Variants in PAX5 observed in about 807,000 individuals in gnomAD.
The protein encoded by PAX5 is paired box protein Pax-5.
A neutral mutation model predicts 43.7 loss-of-function variants in PAX5; 9 were observed. The observed-to-expected ratio is 0.21, with a 90% confidence interval of 0.12 to 0.36. The LOEUF is 0.36. Among genes scored for constraint, PAX5 ranks in the 10% least tolerant of loss-of-function variants. The probability of loss-of-function intolerance (pLI) is 1.00; values close to 1 mark genes in which losing one functional copy is unlikely to be tolerated. For synonymous variants in PAX5, 228 were observed against 214.3 expected (o/e 1.06, Z -0.56); for missense variants, 383 against 532.7 (o/e 0.72, Z 2.77).
intron 4 of PAX5, among the ~76,000 whole-genome samples, chr9:37,003,047 C>G (rs751307144): frequency 4.5e-4 from 68 of 150,884 alleles, no homozygotes; most frequent in Non-Finnish European, 9.1e-4. Context: ...CACGGGGACA[C>G]GGGGACAGGA....
chr9:36,930,230 T>C (rs1376649283), intron 6 of PAX5, among the ~76,000 whole-genome samples: 2 of 144,992 alleles, frequency 1.4e-5, no homozygotes, highest in African/African-American at 5.1e-5. Flanking sequence ...TTTTTTTTTT[T>C]TTTTTTTTTT....
chr9:36,869,423 C>G (rs1011971339), intron 8 of PAX5, among the ~76,000 whole-genome samples: 1 of 152,232 alleles, frequency 6.6e-6, no homozygotes, highest in Non-Finnish European at 1.5e-5. Flanking sequence ...AGATTCCTCC[C>G]CTGCCCTAAG....
intron 8 of PAX5, among the ~76,000 whole-genome samples, chr9:36,858,331 C>A (rs1215565174): frequency 2.6e-5 from 4 of 152,074 alleles, no homozygotes; most frequent in Non-Finnish European, 5.9e-5. Context: ...GCCTAAAATT[C>A]TTGATTGTAA....
intron 5 of PAX5, among the ~76,000 whole-genome samples, chr9:36,967,161 G>C (rs941231689): frequency 2.6e-5 from 4 of 152,162 alleles, no homozygotes; most frequent in African/African-American, 9.7e-5. Context: ...CCAGAGTTGA[G>C]GTCCTTACCC....
intron 5 of PAX5, among the ~76,000 whole-genome samples, chr9:36,998,470 A>C (rs1837578548): frequency 6.6e-6 from 1 of 152,182 alleles, no homozygotes; most frequent in Non-Finnish European, 1.5e-5. Context: ...ACTAATTGTG[A>C]ACCCTCTAAA....
chr9:37,018,074 G>C (rs1839545884), intron 2 of PAX5, among the ~76,000 whole-genome samples: 1 of 152,146 alleles, frequency 6.6e-6, no homozygotes, highest in Admixed American at 6.5e-5. Context: ...AACTCACTTA[G>C]CCTCTCTAGG....
At chr9:36,977,806 T>G (rs909449637) in intron 5 of PAX5, among the ~76,000 whole-genome samples, 1 of 152,218 alleles carries the variant, frequency 6.6e-6, no homozygotes, top group Non-Finnish European at 1.5e-5. Context: ...ACCCTAAGTC[T>G]TAAGGATGGA....
intron 5 of PAX5, among the ~76,000 whole-genome samples, chr9:36,980,557 G>C (rs1408220668): frequency 5.3e-5 from 8 of 152,196 alleles, no homozygotes; most frequent in Admixed American, 5.2e-4. Context: ...CTCTGTTCCA[G>C]TCAGTCCCTT....
intron 8 of PAX5, 74 bp downstream of exon 8, chr9:36,881,930 G>GT: frequency 9.0e-7 from 1 of 1,105,750 alleles, no homozygotes; most frequent in Non-Finnish European, 1.3e-6. Flanking sequence ...CACCCAGGCT[G>GT]TTTGGGGGGG....
At chr9:36,998,705 C>T (rs575130221) in intron 5 of PAX5, among the ~76,000 whole-genome samples, 7 of 152,274 alleles carry the variant, frequency 4.6e-5, no homozygotes, top group African/African-American at 1.4e-4. Context: ...TCCCACTAAA[C>T]ACAGCTTTAT....
At chr9:36,912,399 T>C (rs903070710) in intron 7 of PAX5, among the ~76,000 whole-genome samples, 1 of 152,244 alleles carries the variant, frequency 6.6e-6, no homozygotes, top group African/African-American at 2.4e-5. Context: ...GTAACTTGCC[T>C]GAGATCACCC....
At chr9:36,906,782 C>T (rs1374958722) in intron 7 of PAX5, among the ~76,000 whole-genome samples, 5 of 152,186 alleles carry the variant, frequency 3.3e-5, no homozygotes, top group Non-Finnish European at 5.9e-5. Context: ...TTTTCAAAGC[C>T]GCATGTAAGA....
rs62533248 is a variant in PAX5, at chr9:36,842,776, G to T, written c.1100-2140C>A. The stretch of plus-strand genomic sequence containing the variant: ...ACCGCAGCCGGCCTTTCTTCCTGCC[G>T]GGACCGCAGCCCCCTTGCCACCCTG... On this transcript the variant is annotated intron_variant, in intron 9 of 9. Transcript: ENST00000358127. 3.3e-5 allele frequency among the ~76,000 whole-genome samples: 5 copies of T among 152,104 alleles called. No individual in the cohort carries two copies. In the South Asian group the frequency reaches 6.3e-4, roughly 19 times the overall value.
intron 8 of PAX5, among the ~76,000 whole-genome samples, chr9:36,857,446 C>T (rs939373061): frequency 5.9e-5 from 9 of 152,204 alleles, no homozygotes; most frequent in Middle Eastern, 3.2e-3. Flanking sequence ...GGCTTCAATC[C>T]TCAGGGAACT....
At chr9:37,031,383 T>C (rs1840968182) in intron 1 of PAX5, among the ~76,000 whole-genome samples, 1 of 152,166 alleles carries the variant, frequency 6.6e-6, no homozygotes, top group Non-Finnish European at 1.5e-5. Context: ...ATGGGGGTTA[T>C]TAATATCTAT....
At chr9:36,915,246 T>C (rs7019643) in intron 7 of PAX5, among the ~76,000 whole-genome samples, 1 of 152,092 alleles carries the variant, frequency 6.6e-6, no homozygotes, top group South Asian at 2.1e-4. Flanking sequence ...CCCATTCCAG[T>C]ACGTGTAGCT....
chr9:36,980,604 A>T (rs1835828272), intron 5 of PAX5, among the ~76,000 whole-genome samples: 1 of 152,014 alleles, frequency 6.6e-6, no homozygotes, highest in African/African-American at 2.4e-5. Flanking sequence ...TTCCAGACAC[A>T]GAAGGGTTGG....
intron 7 of PAX5, among the ~76,000 whole-genome samples, chr9:36,884,644 C>T (rs1285339433): frequency 6.6e-6 from 1 of 152,042 alleles, no homozygotes; most frequent in Non-Finnish European, 1.5e-5. Context: ...CAGTACAATA[C>T]GATAAGACAG....
chr9:37,026,165 C>T (rs1316338822), intron 1 of PAX5, among the ~76,000 whole-genome samples: 1 of 152,260 alleles, frequency 6.6e-6, no homozygotes, highest in African/African-American at 2.4e-5. Flanking sequence ...GGGTGTGGGG[C>T]GCTGTCTGAG....
Sources: gnomAD v4.1 joint callset for allele counts (sites outside exome capture counted in the v4.1 genomes callset) on GRCh38, gnomAD v4.1.1 for gene constraint, MANE v1.5 for transcripts, NCBI Gene and HGNC (gene_info 2026-07-23, HGNC 2026-07-21) for gene names.